ADAM10: variants seen among roughly 807,000 people sequenced by gnomAD.
ADAM10 encodes the protein disintegrin and metalloproteinase domain-containing protein 10.
ADAM10 carries 17 observed loss-of-function variants against 90.1 expected under a neutral mutation model. That is an observed-to-expected ratio of 0.19 (90% CI 0.13 to 0.28). The LOEUF (loss-of-function observed/expected upper bound fraction) is 0.28, where lower values mean the gene tolerates loss of function less well. Among genes scored for constraint, ADAM10 ranks in the 10% least tolerant of loss-of-function variants. ADAM10 has a pLI of 1.00. For synonymous variants in ADAM10, 310 were observed against 298.6 expected, an observed-to-expected ratio of 1.04 and a Z score of -0.40; for missense variants, 610 against 914.3, an observed-to-expected ratio of 0.67 and a Z score of 4.29.
Position 58,610,458 on chromosome 15 carries a change from G to C in ADAM10, c.1864C>G (p.Arg622Gly). The C allele has an allele frequency of 6.2e-7, 1 of 1,614,068 alleles. No individual in the cohort carries two copies. Among genetic ancestry groups the C allele is most frequent in the African/African-American group, 1.3e-5 (1 of 75,016 alleles). ...GATCCAGGTTGCAGGGTGATGGTTCGACCACTGAAGTGCCTACTCCACTGC... is the reference window on the plus strand; with the variant it reads ...GATCCAGGTTGCAGGGTGATGGTTCCACCACTGAAGTGCCTACTCCACTGC... ...SVQWSRHFSG[R>G]TITLQPGSPC... The change falls in exon 14 of 16, where the codon CGA becomes GGA. Residue 622 changes from arginine to glycine, a missense_variant. Arg to Gly is a moderately radical substitution (Grantham distance 125). This residue lies in a region of ADAM10 where 150 missense variants were observed against 268.5 expected (regional missense o/e 0.56). Transcript: ENST00000260408.
At chr15:58,729,421 G>A (rs137889484) in intron 1 of ADAM10, among the ~76,000 whole-genome samples, 307 of 152,224 alleles carry the variant, frequency 2.0e-3, no homozygotes, top group African/African-American at 7.2e-3. Flanking sequence ...AGGTATCTCC[G>A]GGGAAAGTGT....
In ADAM10 at chr15:58,717,713, G is replaced by A. The variant is rs764171258; in HGVS notation, c.70C>T (p.Pro24Ser). ...TAATGTCTGATATATTTATTTAAAGGATTCCCATACTGACCTATAAAAAAA... is the reference window on the plus strand; with the variant it reads ...TAATGTCTGATATATTTATTTAAAGAATTCCCATACTGACCTATAAAAAAA... ...AAGMGGQYGN[P>S]LNKYIRHYEG... The change falls in exon 2 of 16, where the codon CCT becomes TCT. Residue 24 changes from proline to serine, a missense_variant. Physicochemically the swap from Pro to Ser is moderately conservative, Grantham distance 74. Around this residue, in one of 4 missense-constraint regions of ADAM10, gnomAD observed 310 missense variants for 362.4 expected, o/e 0.86. Transcript: ENST00000260408. 1.8e-5 allele frequency: 29 copies of A among 1,611,956 alleles called. No homozygotes were observed. In the Admixed American group the frequency reaches 4.8e-4, roughly 27 times the overall value.
At chr15:58,638,520 C>T (rs1446793742) in intron 8 of ADAM10, among the ~76,000 whole-genome samples, 1 of 147,876 alleles carries the variant, frequency 6.8e-6, no homozygotes, top group Non-Finnish European at 1.5e-5. Context: ...GAGGCTGAGG[C>T]AGGAGAATGG....
At chr15:58,655,238 CTG>C in intron 5 of ADAM10, 1 of 152,436 alleles carries the variant, frequency 6.6e-6, no homozygotes, top group African/African-American at 2.4e-5. Flanking sequence ...ATAACTGAGA[CTG>C]AGTAATTTAT....
In ADAM10 at chr15:58,596,865, A is replaced by G. The variant is rs1351884339; in HGVS notation, c.*682T>C. 6.4e-6 allele frequency: 1 copy of G among 155,608 alleles called. No homozygotes were observed. Among genetic ancestry groups the G allele is most frequent in the Non-Finnish European group, 1.4e-5 (1 of 69,986 alleles). The allele number at this position is 155,608 out of a possible 1,614,324, so 9.6% of individuals were successfully genotyped here. On this transcript the variant is annotated 3_prime_UTR_variant, in exon 16 of 16. Transcript: ENST00000260408. ...AAAAATGAGTATCAAAACCAACTCC[A>G]TCGTAACAGAAAGGTAAATTGATTT...
chr15:58,692,236 T>C, intron 2 of ADAM10: 1 of 589,270 alleles, frequency 1.7e-6, no homozygotes, highest in Middle Eastern at 2.9e-4. Flanking sequence ...CAAATGACCT[T>C]CTACAGGGAA....
chr15:58,598,920 C>A (rs1327110401), intron 15 of ADAM10, among the ~76,000 whole-genome samples: 2 of 152,162 alleles, frequency 1.3e-5, no homozygotes. Context: ...ATGAATGAAT[C>A]CTCTACTCTA....
chr15:58,635,928 T>G (rs1364563090), intron 8 of ADAM10, among the ~76,000 whole-genome samples: 1 of 152,214 alleles, frequency 6.6e-6, no homozygotes, highest in Non-Finnish European at 1.5e-5. Flanking sequence ...GTAATTTATA[T>G]ATTGCCTAAC....
chr15:58,633,464 A>T, intron 8 of ADAM10, 105 bp from the exon 9 acceptor site: 1 of 994,784 alleles, frequency 1.0e-6, no homozygotes, highest in Non-Finnish European at 1.5e-6. Flanking sequence ...TTTAATCTAA[A>T]ATAGAACTGG....
At chr15:58,673,314 T>A (rs1482345672) in intron 4 of ADAM10, among the ~76,000 whole-genome samples, 1 of 151,464 alleles carries the variant, frequency 6.6e-6, no homozygotes, top group Non-Finnish European at 1.5e-5. Context: ...TGGTAGTTTT[T>A]CACCTTCATT....
intron 1 of ADAM10, chr15:58,749,128 C>T: frequency 2.5e-6 from 1 of 397,914 alleles, no homozygotes; most frequent in South Asian, 1.4e-4. Context: ...GCCCGCCGAG[C>T]AGACTGGAGG....
At chr15:58,722,039 T>C (rs1898872080) in intron 1 of ADAM10, among the ~76,000 whole-genome samples, 1 of 147,842 alleles carries the variant, frequency 6.8e-6, no homozygotes, top group Non-Finnish European at 1.5e-5. Flanking sequence ...AAATAATAAA[T>C]ATATATATGT....
chr15:58,743,851 G>A (rs1295197516), intron 1 of ADAM10, among the ~76,000 whole-genome samples: 6 of 152,108 alleles, frequency 3.9e-5, no homozygotes, highest in African/African-American at 9.7e-5. Flanking sequence ...CAGGTGATCC[G>A]CCTGCCTCAG....
At chr15:58,628,533 C>T (rs377143923) in intron 9 of ADAM10, among the ~76,000 whole-genome samples, 54 of 152,184 alleles carry the variant, frequency 3.5e-4, no homozygotes, top group Non-Finnish European at 6.8e-4. Flanking sequence ...AAGTGGTGTT[C>T]GGTTTTGATA....
chr15:58,598,290 TCACTGAATAAGAC>T lies in ADAM10; in HGVS notation c.2153-662_2153-650del, dbSNP rs1895011557. Reference sequence around the variant, plus strand: ...GAAACCAACATACACATAAAATGTTTCACTGAATAAGACCACAATTGGTAACAGCATCTAAAAA... The same window carrying T: ...GAAACCAACATACACATAAAATGTTTCACAATTGGTAACAGCATCTAAAAA... On this transcript the variant is annotated intron_variant, in intron 15 of 15. Transcript: ENST00000260408. 2.0e-5 allele frequency among the ~76,000 whole-genome samples: 3 copies of T among 152,358 alleles called. No individual in the cohort carries two copies. The East Asian group carries it at 5.8e-4, about 29-fold the overall frequency.
intron 9 of ADAM10, among the ~76,000 whole-genome samples, chr15:58,632,724 CT>C (rs1397425821): frequency 6.6e-6 from 1 of 152,080 alleles, no homozygotes; most frequent in African/African-American, 2.4e-5. Flanking sequence ...AGAGAAAATA[CT>C]TTAAATTATC....
At position 58,643,924 on chromosome 15, in the gene ADAM10, C is replaced by T. The variant is rs144764887; in HGVS notation, c.790G>A (p.Gly264Arg). 3 of 1,613,370 alleles carry T rather than the reference C, an allele frequency of 1.9e-6. No individual in the cohort carries two copies. The highest frequency in any genetic ancestry group is 1.7e-6 in the Non-Finnish European group (2 of 1,179,568). The change falls in exon 7 of 16, where the codon GGA becomes AGA. Residue 264 changes from glycine to arginine, a missense_variant. By Grantham distance (125) the Gly-to-Arg change is moderately radical. Coordinates refer to ENST00000260408, the MANE Select transcript of ADAM10 (RefSeq NM_001110.4). Reference protein sequence around the residue: ...DTIYQTTDFSGIRNISFMVKR... With the variant: ...DTIYQTTDFSRIRNISFMVKR... ...ACCATGAAACTGATGTTACGGATTC[C>T]GGAGAAGTCTGTGGTCTGGTAAATT...
At chr15:58,714,752 C>T (rs752692425) in intron 2 of ADAM10, among the ~76,000 whole-genome samples, 1 of 151,692 alleles carries the variant, frequency 6.6e-6, no homozygotes, top group Non-Finnish European at 1.5e-5. Flanking sequence ...AAATAAAATA[C>T]AAAATGTTAT....
chr15:58,693,225 A>G (rs2076626557), intron 2 of ADAM10: 1 of 631,144 alleles, frequency 1.6e-6, no homozygotes, highest in South Asian at 1.5e-5. Flanking sequence ...TACAAGTACT[A>G]GAGAGCAAGG....
Sources: gnomAD v4.1 joint callset for allele counts (sites outside exome capture counted in the v4.1 genomes callset) on GRCh38, gnomAD v4.1.1 for gene constraint, gnomAD v4.1.1 regional missense constraint, MANE v1.5 for transcripts, NCBI Gene and HGNC (gene_info 2026-07-23, HGNC 2026-07-21) for gene names.